The following RASGRP3 variants were observed in gnomAD, a reference collection of about 807,000 sequenced individuals.
The protein encoded by RASGRP3 is RAS guanyl releasing protein 3, also known as ras guanyl-releasing protein 3.
In RASGRP3, 54 loss-of-function variants were observed where a neutral mutation model predicts 82.7. That is an observed-to-expected ratio of 0.65 (90% CI 0.52 to 0.82). The LOEUF is 0.82. Among genes scored for constraint, RASGRP3 ranks in the 40% least tolerant of loss-of-function variants. The probability of loss-of-function intolerance (pLI) is 0.00; values close to 1 mark genes in which losing one functional copy is unlikely to be tolerated. For missense variants in RASGRP3, 861 were observed against 828.9 expected (o/e 1.04, Z -0.48); for synonymous variants, 309 against 300.5 (o/e 1.03, Z -0.29).
intron 10 of RASGRP3, among the ~76,000 whole-genome samples, chr2:33,530,681 C>G (rs982136023): frequency 6.6e-6 from 1 of 152,114 alleles, no homozygotes; most frequent in Non-Finnish European, 1.5e-5. Context: ...ATACTGCTCT[C>G]TCCTCCTCTT....
At chr2:33,478,593 C>T (rs1324062343) in intron 1 of RASGRP3, among the ~76,000 whole-genome samples, 2 of 152,060 alleles carry the variant, frequency 1.3e-5, no homozygotes, top group Admixed American at 6.6e-5. Flanking sequence ...TTTGAAAAAC[C>T]CATGCCTTTT....
intron 9 of RASGRP3, among the ~76,000 whole-genome samples, chr2:33,526,216 G>A (rs954811533): frequency 6.6e-6 from 1 of 152,180 alleles, no homozygotes; most frequent in Admixed American, 6.5e-5. Context: ...CAATTACTCT[G>A]ATGATAAATC....
chr2:33,471,341 A>ATTTTTTT (rs70940204), intron 2 of RASGRP3, among the ~76,000 whole-genome samples: 7 of 106,790 alleles, frequency 6.6e-5, no homozygotes, highest in African/African-American at 2.2e-4. Context: ...ACACTGGGCT[A>ATTTTTTT]TTTTTTTTTT....
At position 33,562,984 on chromosome 2, in the gene RASGRP3, T is replaced by TAGTC. The variant is rs1216747892; in HGVS notation, c.*251_*254dup. ...TAAGTGCCACAAAGACTGTGTTATG[T>TAGTC]AGTCAGTACTTTTTTCTCATGTATC... is the stretch of plus-strand genomic sequence containing the variant. On this transcript the variant is annotated 3_prime_UTR_variant, in exon 18 of 18. Coordinates refer to ENST00000403687, the MANE Select transcript of RASGRP3 (RefSeq NM_001139488.2). 124 of 476,406 alleles carry TAGTC rather than the reference T, an allele frequency of 2.6e-4. No homozygotes were observed. The African/African-American group carries it at 5.0e-3, about 19-fold the overall frequency. 29.5% of individuals were successfully genotyped at this position (476,406 alleles called of 1,614,324 possible). A position where few individuals can be genotyped will look rare whatever the true frequency, so the allele number is the denominator to read the frequency against.
rs192877160 is a variant in RASGRP3 at position 33,536,159 on chromosome 2, G to A, written c.1161+1759G>A. ...TCTACTAAAAATACAAAAATTAGCC[G>A]GGCATGCTAGCATGTGCCTGTAGTT... On this transcript the variant is annotated intron_variant, in intron 11 of 17. Transcript: ENST00000403687. Among the ~76,000 whole-genome samples the A allele has an allele frequency of 2.9e-3, 433 of 151,912 alleles. 2 individuals carry two copies. Among genetic ancestry groups the A allele is most frequent in the African/African-American group, 0.01 (418 of 41,418 alleles).
intron 14 of RASGRP3, among the ~76,000 whole-genome samples, chr2:33,554,805 C>T (rs1675758821): frequency 6.6e-6 from 1 of 152,120 alleles, no homozygotes; most frequent in African/African-American, 2.4e-5. Flanking sequence ...TAGAAGGAGT[C>T]TGTCTGGAGA....
intron 2 of RASGRP3, among the ~76,000 whole-genome samples, chr2:33,462,966 A>T (rs1030350746): frequency 6.6e-6 from 1 of 152,134 alleles, no homozygotes; most frequent in Non-Finnish European, 1.5e-5. Context: ...TTATTTATTT[A>T]TTTATTTAAC....
At position 33,564,235 on chromosome 2, in the gene RASGRP3, CAAAGTAGTTCCAGTGATTTAA is replaced by C; in HGVS notation, c.*1501_*1521del. On this transcript the variant is annotated 3_prime_UTR_variant, in exon 18 of 18. Transcript: ENST00000403687. ...AGCTGACAGCCCATGGGCATTAAGGCAAAGTAGTTCCAGTGATTTAAAATACGGTTCCAAATACGCTAAAAC... is the reference window on the plus strand; with the variant it reads ...AGCTGACAGCCCATGGGCATTAAGGCAATACGGTTCCAAATACGCTAAAAC... The C allele has an allele frequency of 6.6e-6, 1 of 152,280 alleles. No homozygotes were observed. The highest frequency in any genetic ancestry group is 2.4e-5 in the African/African-American group (1 of 41,562). The allele number at this position is 152,280 out of a possible 1,614,324, so 9.4% of individuals were successfully genotyped here.
At position 33,529,242 on chromosome 2, in the gene RASGRP3, T is replaced by C. The variant is rs539539937; in HGVS notation, c.1083+1830T>C. Among the ~76,000 whole-genome samples, 190 of 151,926 alleles carry C rather than the reference T, an allele frequency of 1.3e-3. 1 individual carries two copies. Among genetic ancestry groups the C allele is most frequent in the Non-Finnish European group, 2.3e-3 (157 of 67,946 alleles). ...GGGCGTGGTGGCTCAAGCCTGTAAT[T>C]CCAGCACTTTGGGAGGCCAAGGCGG... On this transcript the variant is annotated intron_variant, in intron 10 of 17. Transcript: ENST00000403687.
At chr2:33,437,837 AAGAG>A (rs1382547074) in intron 1 of RASGRP3, among the ~76,000 whole-genome samples, 1 of 152,220 alleles carries the variant, frequency 6.6e-6, no homozygotes, top group African/African-American at 2.4e-5. Context: ...TAAAAAAAAA[AAGAG>A]AGGGAAATGA....
intron 2 of RASGRP3, among the ~76,000 whole-genome samples, chr2:33,470,772 A>T (rs906973401): frequency 4.6e-5 from 7 of 152,152 alleles, no homozygotes; most frequent in African/African-American, 1.7e-4. Context: ...CAGAACAATT[A>T]ATTTTGTATA....
chr2:33,525,589 G>A (rs527275674), intron 9 of RASGRP3, among the ~76,000 whole-genome samples: 9 of 151,344 alleles, frequency 5.9e-5, no homozygotes, highest in Middle Eastern at 6.8e-3. Flanking sequence ...TCCATCAGGC[G>A]TGGTGGCTCA....
intron 1 of RASGRP3, among the ~76,000 whole-genome samples, chr2:33,507,371 G>A (rs1670480766): frequency 6.6e-6 from 1 of 152,210 alleles, no homozygotes; most frequent in Non-Finnish European, 1.5e-5. Flanking sequence ...CTCCAGCCTG[G>A]GTGACAGAGC....
chr2:33,501,736 T>C (rs1669893846), intron 1 of RASGRP3, among the ~76,000 whole-genome samples: 12 of 152,148 alleles, frequency 7.9e-5, no homozygotes, highest in Admixed American at 7.9e-4. Flanking sequence ...GAGTTCAGCA[T>C]GGAGACATGA....
chr2:33,524,929 A>C (rs1487017906), intron 9 of RASGRP3, among the ~76,000 whole-genome samples: 1 of 151,902 alleles, frequency 6.6e-6, no homozygotes, highest in African/African-American at 2.4e-5. Context: ...AATACAAAAA[A>C]AATTAGCCGG....
Position 33,447,081 on chromosome 2 carries a change from G to C in RASGRP3, c.-384-739G>C, listed in dbSNP as rs1483202665. Among the ~76,000 whole-genome samples the C allele has an allele frequency of 2.7e-5, 4 of 149,850 alleles. No individual in the cohort carries two copies. The East Asian group carries it at 7.8e-4, about 29-fold the overall frequency. On this transcript the variant is annotated intron_variant, in intron 1 of 18. Transcript: ENST00000402538. ...ATGGCGTGAACCTACACTCCAGCCTGGGTGACAGAGCGAGACTCCGTCTCA... is the reference window on the plus strand; with the variant it reads ...ATGGCGTGAACCTACACTCCAGCCTCGGTGACAGAGCGAGACTCCGTCTCA...
At chr2:33,544,243 G>A (rs1674532592) in intron 13 of RASGRP3, among the ~76,000 whole-genome samples, 1 of 152,106 alleles carries the variant, frequency 6.6e-6, no homozygotes, top group South Asian at 2.1e-4. Context: ...GAGCCTGGGA[G>A]GCAGAGGTTG....
chr2:33,463,708 C>T (rs1014410084), intron 2 of RASGRP3, among the ~76,000 whole-genome samples: 2 of 151,356 alleles, frequency 1.3e-5, no homozygotes, highest in Admixed American at 1.3e-4. Flanking sequence ...AAGCGATTCT[C>T]CTGCCTCAGC....
intron 12 of RASGRP3, chr2:33,539,448 C>A: frequency 2.7e-6 from 1 of 375,008 alleles, no homozygotes; most frequent in Non-Finnish European, 4.9e-6. Context: ...TCCAGCTCCT[C>A]TCTTTCACAG....
Sources: allele counts gnomAD v4.1 joint callset (sites outside exome capture counted in the v4.1 genomes callset), GRCh38; gene constraint gnomAD v4.1.1; transcripts MANE v1.5; gene names NCBI Gene and HGNC (gene_info 2026-07-23, HGNC 2026-07-21).